CYP2C18: variants seen among roughly 807,000 people sequenced by gnomAD.
The protein encoded by CYP2C18 is cytochrome P450 2C18.
Under a neutral mutation model 41.3 loss-of-function variants are expected in CYP2C18, and 38 were observed. The observed-to-expected ratio is 0.92, with a 90% CI of 0.71 to 1.21. The LOEUF is 1.21. Among genes scored for constraint, CYP2C18 ranks in the 50% most tolerant of loss-of-function variants. CYP2C18 has a pLI of 0.00. For missense variants in CYP2C18, 635 were observed against 591.4 expected (o/e 1.07, Z -0.77); for synonymous variants, 236 against 210.0 (o/e 1.12, Z -1.07).
chr10:94,697,095 G>C (rs1290145424), intron 4 of CYP2C18, among the ~76,000 whole-genome samples: 1 of 152,104 alleles, frequency 6.6e-6, no homozygotes, highest in Non-Finnish European at 1.5e-5. Context: ...ATCTAGCAAG[G>C]CAGGCCAATA....
At chr10:94,703,092 C>T (rs1847275434) in intron 4 of CYP2C18, among the ~76,000 whole-genome samples, 1 of 152,194 alleles carries the variant, frequency 6.6e-6, no homozygotes, top group Admixed American at 6.5e-5. Flanking sequence ...TTGCTGCCTG[C>T]TCCTTCCTCT....
At chr10:94,703,515 G>T (rs2134188354) in intron 4 of CYP2C18, among the ~76,000 whole-genome samples, 2 of 152,280 alleles carry the variant, frequency 1.3e-5, no homozygotes, top group Admixed American at 1.3e-4. Context: ...CATCTTCCCA[G>T]AGGTTTTGTT....
intron 3 of CYP2C18, among the ~76,000 whole-genome samples, chr10:94,689,307 CTTTA>C (rs199815660): frequency 0.013 from 1,989 of 152,162 alleles, 39 homozygotes; most frequent in African/African-American, 0.044. Context: ...ATTCAGCTTT[CTTTA>C]TATTTTCCTT....
In CYP2C18 at chr10:94,714,366, G is replaced by T. The variant is rs552500114; in HGVS notation, c.820-6030G>T. On this transcript the variant is annotated intron_variant, in intron 5 of 8. Coordinates refer to ENST00000285979, the MANE Select transcript of CYP2C18 (RefSeq NM_000772.3). ...AATTAATTTTTGTATAAGATGTAAG[G>T]AAGGGATCCAGTTTCAGCTTTCTAC... 2.0e-5 allele frequency among the ~76,000 whole-genome samples: 3 copies of T among 152,272 alleles called. No homozygotes were observed. The East Asian group carries it at 5.8e-4, about 29-fold the overall frequency.
intron 6 of CYP2C18, among the ~76,000 whole-genome samples, 165 bp downstream of exon 6, chr10:94,720,702 A>G (rs1847632533): frequency 6.6e-6 from 1 of 152,186 alleles, no homozygotes; most frequent in Admixed American, 6.6e-5. Flanking sequence ...AATGAGACAA[A>G]TTTGCACAAT....
At chr10:94,721,637 G>A (rs1268006758) in intron 6 of CYP2C18, among the ~76,000 whole-genome samples, 1 of 151,940 alleles carries the variant, frequency 6.6e-6, no homozygotes, top group Non-Finnish European at 1.5e-5. Flanking sequence ...GGACTCTCCA[G>A]TGTCTATTAT....
intron 1 of CYP2C18, 63 bp from the exon 2 acceptor site, chr10:94,687,707 C>T (rs1589790626): frequency 5.1e-6 from 7 of 1,383,582 alleles, no homozygotes; most frequent in East Asian, 2.3e-5. Flanking sequence ...GTCTGAATCA[C>T]GGACAATATA....
At chr10:94,684,642 A>T (rs187550913) in intron 1 of CYP2C18, among the ~76,000 whole-genome samples, 3 of 152,196 alleles carry the variant, frequency 2.0e-5, no homozygotes, top group African/African-American at 4.8e-5. Context: ...GCTATTGTCA[A>T]TAGCACTGCA....
chr10:94,729,827 C>T (rs533909807), intron 7 of CYP2C18, among the ~76,000 whole-genome samples: 10 of 152,064 alleles, frequency 6.6e-5, no homozygotes, highest in Middle Eastern at 6.8e-3. Flanking sequence ...ATGAAGATGA[C>T]AGGAAAGGCT....
At chr10:94,717,933 G>A (rs2134200226) in intron 5 of CYP2C18, among the ~76,000 whole-genome samples, 3 of 152,034 alleles carry the variant, frequency 2.0e-5, no homozygotes, top group Middle Eastern at 6.8e-3. Flanking sequence ...TTGGCTATTT[G>A]GGTATTTTTG....
At chr10:94,710,891 G>C (rs577546630) in intron 5 of CYP2C18, among the ~76,000 whole-genome samples, 2 of 152,136 alleles carry the variant, frequency 1.3e-5, no homozygotes, top group African/African-American at 2.4e-5. Context: ...GGATTGAATA[G>C]GAAGAAATCT....
At chr10:94,723,094 C>T (rs984726533) in intron 6 of CYP2C18, among the ~76,000 whole-genome samples, 6 of 152,230 alleles carry the variant, frequency 3.9e-5, no homozygotes, top group African/African-American at 1.2e-4. Flanking sequence ...ATCAGAATGG[C>T]ATTAGAATTC....
At chr10:94,684,919 T>C (rs1015017748) in intron 1 of CYP2C18, among the ~76,000 whole-genome samples, 1 of 152,196 alleles carries the variant, frequency 6.6e-6, no homozygotes, top group Non-Finnish European at 1.5e-5. Context: ...ATTGTGGTTT[T>C]AATTTGCATT....
intron 5 of CYP2C18, among the ~76,000 whole-genome samples, chr10:94,712,030 T>G (rs117897483): frequency 0.12 from 11,811 of 97,416 alleles, 1,165 homozygotes; most frequent in South Asian, 0.23. Context: ...TTTTTTTTTG[T>G]AGAGATAGGG....
intron 5 of CYP2C18, among the ~76,000 whole-genome samples, chr10:94,707,186 C>T (rs1847360532): frequency 6.6e-6 from 1 of 151,950 alleles, no homozygotes; most frequent in African/African-American, 2.4e-5. Flanking sequence ...AGAATGCATG[C>T]CTTAGATGAA....
At position 94,687,835 on chromosome 10, in the gene CYP2C18, T is replaced by C; in HGVS notation, c.234T>C (p.His78=). The C allele has an allele frequency of 6.2e-7, 1 of 1,613,844 alleles. No homozygotes were observed. Among genetic ancestry groups the C allele is most frequent in the Non-Finnish European group, 8.5e-7 (1 of 1,179,790 alleles). Residue 78 remains histidine, a synonymous_variant, in exon 2 of 9, where the codon CAT becomes CAC. Transcript: ENST00000285979. ...GCCTGAAGCCCATTGTGGTGTTGCATGGATATGAAGCAGTGAAGGAGGCCC... is the reference window on the plus strand; with the variant it reads ...GCCTGAAGCCCATTGTGGTGTTGCACGGATATGAAGCAGTGAAGGAGGCCC... ...YFGLKPIVVL[H]GYEAVKEALI...
chr10:94,719,073 A>G (rs1039093296), intron 5 of CYP2C18, among the ~76,000 whole-genome samples: 3 of 152,058 alleles, frequency 2.0e-5, no homozygotes, highest in Non-Finnish European at 4.4e-5. Context: ...CTGTGAATAG[A>G]TATTTATTTG....
chr10:94,693,170 A>T (rs1847043676), intron 3 of CYP2C18, among the ~76,000 whole-genome samples: 1 of 152,222 alleles, frequency 6.6e-6, no homozygotes, highest in Non-Finnish European at 1.5e-5. Context: ...TATAAAAAAA[A>T]GTGTAATCCC....
chr10:94,707,072 T>C, intron 5 of CYP2C18, 112 bp downstream of exon 5: 1 of 715,632 alleles, frequency 1.4e-6, no homozygotes, highest in Admixed American at 3.0e-5. Flanking sequence ...ACTTACCATG[T>C]GTATAGATCT....
Sources: allele counts gnomAD v4.1 joint callset (sites outside exome capture counted in the v4.1 genomes callset), GRCh38; gene constraint gnomAD v4.1.1; transcripts MANE v1.5; gene names NCBI Gene and HGNC (gene_info 2026-07-23, HGNC 2026-07-21).